CREB5: variants seen among roughly 807,000 people sequenced by gnomAD.
The protein encoded by CREB5 is cAMP responsive element binding protein 5.
In CREB5, 19 loss-of-function variants were observed where a neutral mutation model predicts 57.1. The ratio of observed to expected loss-of-function variants is 0.33; its 90% confidence interval spans 0.23 to 0.49. The LOEUF (loss-of-function observed/expected upper bound fraction) is 0.49, where lower values mean the gene tolerates loss of function less well. Among genes scored for constraint, CREB5 ranks in the 20% least tolerant of loss-of-function variants. CREB5 has a pLI of 0.99. For synonymous variants in CREB5, 238 were observed against 238.3 expected, an observed-to-expected ratio of 1.00 and a Z score of 0.01; for missense variants, 579 against 671.6, an observed-to-expected ratio of 0.86 and a Z score of 1.52.
chr7:28,448,845 G>A (rs537289422), intron 1 of CREB5, among the ~76,000 whole-genome samples: 120 of 152,318 alleles, frequency 7.9e-4, no homozygotes, highest in Middle Eastern at 3.4e-3. Flanking sequence ...CATAGAAGCC[G>A]AGCCCAGAGG....
At chr7:28,602,207 A>C (rs2128670651) in intron 5 of CREB5, among the ~76,000 whole-genome samples, 1 of 152,128 alleles carries the variant, frequency 6.6e-6, no homozygotes, top group South Asian at 2.1e-4. Context: ...GCTCACTGCA[A>C]CCTCTGCCTC....
At chr7:28,653,035 G>A (rs1799205534) in intron 5 of CREB5, among the ~76,000 whole-genome samples, 1 of 152,186 alleles carries the variant, frequency 6.6e-6, no homozygotes, top group Non-Finnish European at 1.5e-5. Context: ...AACTGAGGAA[G>A]AGAATAAAAT....
intron 5 of CREB5, among the ~76,000 whole-genome samples, chr7:28,699,741 T>C (rs944957436): frequency 1.3e-5 from 2 of 152,202 alleles, no homozygotes; most frequent in Admixed American, 6.5e-5. Flanking sequence ...ATTATGGCTC[T>C]ATTTTTACCT....
intron 5 of CREB5, among the ~76,000 whole-genome samples, chr7:28,707,273 T>G (rs1422296865): frequency 6.6e-6 from 1 of 152,246 alleles, no homozygotes; most frequent in Non-Finnish European, 1.5e-5. Context: ...CACTCATCTC[T>G]TAAATAGATT....
At chr7:28,427,568 C>T (rs1165577872) in intron 1 of CREB5, among the ~76,000 whole-genome samples, 1 of 151,936 alleles carries the variant, frequency 6.6e-6, no homozygotes, top group Non-Finnish European at 1.5e-5. Context: ...TTTGGATACG[C>T]TCACACTTTA....
intron 1 of CREB5, among the ~76,000 whole-genome samples, chr7:28,434,630 C>T (rs1339698704): frequency 1.3e-5 from 2 of 152,180 alleles, no homozygotes; most frequent in East Asian, 3.8e-4. Context: ...GATTTTTAAA[C>T]CACATTAACT....
intron 1 of CREB5, among the ~76,000 whole-genome samples, chr7:28,435,091 C>CT (rs397702746): frequency 0.41 from 53,831 of 132,286 alleles, 10,637 homozygotes; most frequent in African/African-American, 0.48. Flanking sequence ...GGCCACCTGG[C>CT]TTTTTTTTTT....
At chr7:28,399,418 TAAAAAAA>T (rs34901571) in intron 1 of CREB5, among the ~76,000 whole-genome samples, 1 of 128,156 alleles carries the variant, frequency 7.8e-6, no homozygotes, top group African/African-American at 2.9e-5. Context: ...ATCATTCTGG[TAAAAAAA>T]AAAAAAAAAA....
intron 5 of CREB5, among the ~76,000 whole-genome samples, chr7:28,613,548 A>C (rs1797480327): frequency 6.6e-6 from 1 of 152,248 alleles, no homozygotes; most frequent in Non-Finnish European, 1.5e-5. Context: ...TTGCGACCTT[A>C]GATTTGGGTT....
At chr7:28,335,967 G>T (rs188904470) in intron 1 of CREB5, among the ~76,000 whole-genome samples, 1 of 151,990 alleles carries the variant, frequency 6.6e-6, no homozygotes. Context: ...TATGACTTTG[G>T]TCCTTCATTC....
At chr7:28,698,030 A>T (rs919368823) in intron 5 of CREB5, among the ~76,000 whole-genome samples, 5 of 152,170 alleles carry the variant, frequency 3.3e-5, no homozygotes, top group Non-Finnish European at 7.3e-5. Context: ...CTCTTACAAA[A>T]CACCATTTTG....
chr7:28,794,893 C>T (rs898295591), intron 7 of CREB5, among the ~76,000 whole-genome samples: 3 of 152,146 alleles, frequency 2.0e-5, no homozygotes, highest in Admixed American at 6.5e-5. Flanking sequence ...TAGGGATGTT[C>T]GTCCCAGTGT....
chr7:28,308,842 A>C (rs1785230444), intron 1 of CREB5, among the ~76,000 whole-genome samples: 1 of 152,200 alleles, frequency 6.6e-6, no homozygotes, highest in Admixed American at 6.5e-5. Flanking sequence ...TTATATGTCC[A>C]TTTGGCTGGG....
intron 7 of CREB5, among the ~76,000 whole-genome samples, chr7:28,737,503 CTCTGTG>C (rs1368384911): frequency 2.1e-5 from 3 of 142,274 alleles, no homozygotes; most frequent in African/African-American, 8.0e-5. Context: ...CTCTCTCTCT[CTCTGTG>C]TGTGTGTGTG....
intron 9 of CREB5, among the ~76,000 whole-genome samples, chr7:28,811,085 G>A (rs537206175): frequency 2.6e-5 from 4 of 152,118 alleles, no homozygotes; most frequent in Non-Finnish European, 4.4e-5. Context: ...TACTCCCTCC[G>A]CCCACTATCT....
chr7:28,634,250 T>C (rs1041718718), intron 5 of CREB5, among the ~76,000 whole-genome samples: 1 of 152,138 alleles, frequency 6.6e-6, no homozygotes, highest in Non-Finnish European at 1.5e-5. Context: ...GTTTCTTCTT[T>C]AAAAAAATAT....
rs1295032780 is a variant in CREB5, at chr7:28,299,646, C to T, written c.-25+205C>T. 3.3e-5 allele frequency among the ~76,000 whole-genome samples: 5 copies of T among 152,140 alleles called. No individual in the cohort carries two copies. In the East Asian group the frequency reaches 5.8e-4, roughly 18 times the overall value. On this transcript the variant is annotated intron_variant, in intron 1 of 9. Transcript: ENST00000396299. Reference sequence around the variant, plus strand: ...CTACTGATATTCTTTTGTTATTGTCCTCAAAAGAATAGACAAATACTGGAT... The same window carrying T: ...CTACTGATATTCTTTTGTTATTGTCTTCAAAAGAATAGACAAATACTGGAT...
intron 1 of CREB5, among the ~76,000 whole-genome samples, chr7:28,302,010 A>T (rs962318253): frequency 6.6e-6 from 1 of 152,222 alleles, no homozygotes; most frequent in Admixed American, 6.5e-5. Context: ...GAAAATAATA[A>T]GCAATTGGGT....
chr7:28,599,872 A>G (rs1378395464), intron 5 of CREB5, among the ~76,000 whole-genome samples: 2 of 152,178 alleles, frequency 1.3e-5, no homozygotes, highest in Non-Finnish European at 2.9e-5. Context: ...TCTTTAGGAT[A>G]CTATTGTCCA....
Sources: gnomAD v4.1 joint callset for allele counts (sites outside exome capture counted in the v4.1 genomes callset) on GRCh38, gnomAD v4.1.1 for gene constraint, MANE v1.5 for transcripts, NCBI Gene and HGNC (gene_info 2026-07-23, HGNC 2026-07-21) for gene names.